PRELID2: variants seen among roughly 807,000 people sequenced by gnomAD.
The protein encoded by PRELID2 is PRELI domain-containing protein 2.
PRELID2 carries 25 observed loss-of-function variants against 28.4 expected under a neutral mutation model. That is an observed-to-expected ratio of 0.88 (90% CI 0.64 to 1.23). The LOEUF (loss-of-function observed/expected upper bound fraction) is 1.23, where lower values mean the gene tolerates loss of function less well. Ranked by LOEUF, PRELID2 falls within the 50% of genes most tolerant of loss-of-function variation. The probability of loss-of-function intolerance (pLI) is 0.00; values close to 1 mark genes in which losing one functional copy is unlikely to be tolerated. For missense variants in PRELID2, 201 were observed against 214.4 expected (o/e 0.94, Z 0.39); for synonymous variants, 76 against 71.6 (o/e 1.06, Z -0.31).
At chr5:145,442,237 A>G in the PRELID2 span, among the ~76,000 whole-genome samples, 1 of 152,120 alleles carries the variant, frequency 6.6e-6, no homozygotes, top group South Asian at 2.1e-4. Context: ...GAAACTGGAA[A>G]TGTGTTGGTT....
chr5:145,804,303 G>GT (rs1753348663), intron 4 of PRELID2, among the ~76,000 whole-genome samples: 1 of 152,070 alleles, frequency 6.6e-6, no homozygotes, highest in African/African-American at 2.4e-5. Flanking sequence ...GAGGTCAGGA[G>GT]TTTGAGACCA....
the PRELID2 span, among the ~76,000 whole-genome samples, chr5:145,378,001 C>T: frequency 2.0e-5 from 3 of 152,204 alleles, no homozygotes; most frequent in South Asian, 4.1e-4. Context: ...AACAAATTCC[C>T]TCTGCATTTG....
intron 4 of PRELID2, among the ~76,000 whole-genome samples, chr5:145,813,355 C>CT (rs1754080557): frequency 6.6e-6 from 1 of 152,144 alleles, no homozygotes; most frequent in Non-Finnish European, 1.5e-5. Flanking sequence ...AAATGCCTTT[C>CT]TAAATCCATG....
intron 1 of PRELID2, among the ~76,000 whole-genome samples, chr5:145,679,607 A>T (rs1422327763): frequency 6.6e-6 from 1 of 152,158 alleles, no homozygotes; most frequent in African/African-American, 2.4e-5. Context: ...CACATATCAG[A>T]TGCTCAGTAA....
chr5:145,650,555 T>C (rs1202010923), intron 1 of PRELID2, among the ~76,000 whole-genome samples: 2 of 129,040 alleles, frequency 1.5e-5, no homozygotes, highest in South Asian at 2.3e-4. Context: ...TATATATATA[T>C]ATATATATAT....
In PRELID2 at chr5:145,712,155, T is replaced by G. The variant is rs558465304; in HGVS notation, n.70+52776A>C. Among the ~76,000 whole-genome samples, 402 of 152,356 alleles carry G rather than the reference T, an allele frequency of 2.6e-3. 4 individuals are homozygous for G. The highest frequency in any genetic ancestry group is 9.0e-3 in the African/African-American group (376 of 41,582). On this transcript the variant is annotated intron_variant and non_coding_transcript_variant, in intron 1 of 2. Transcript: ENST00000510259. Reference sequence around the variant, plus strand: ...CAAGGTACTGGCTTGAAAGAGCTGATTGTCAAATGTTCAGCAATTTTGTGA... The same window carrying G: ...CAAGGTACTGGCTTGAAAGAGCTGAGTGTCAAATGTTCAGCAATTTTGTGA...
At chr5:145,796,571 T>A (rs761424859) in intron 4 of PRELID2, 24 bp from the exon 5 acceptor site, 5 of 1,452,796 alleles carry the variant, frequency 3.4e-6, no homozygotes, top group Non-Finnish European at 3.8e-6. Context: ...AAAAAACACA[T>A]CTTTGATGTC....
chr5:145,748,516 G>A (rs1421476483), intron 1 of PRELID2, among the ~76,000 whole-genome samples: 2 of 152,142 alleles, frequency 1.3e-5, no homozygotes, highest in African/African-American at 4.8e-5. Context: ...TCATGGATAG[G>A]AAGAATCAAT....
chr5:145,293,013 G>A, the PRELID2 span, among the ~76,000 whole-genome samples: 2 of 152,072 alleles, frequency 1.3e-5, no homozygotes, highest in African/African-American at 4.8e-5. Context: ...GAACCACCAT[G>A]ATCATTCTCC....
the PRELID2 span, among the ~76,000 whole-genome samples, chr5:145,273,332 C>T: frequency 2.0e-5 from 3 of 151,986 alleles, no homozygotes; most frequent in Admixed American, 6.6e-5. Flanking sequence ...TCCTGCTTTT[C>T]GGGTCTTAAG....
the PRELID2 span, among the ~76,000 whole-genome samples, chr5:145,426,947 C>A: frequency 6.6e-6 from 1 of 152,304 alleles, no homozygotes; most frequent in East Asian, 1.9e-4. Flanking sequence ...AAGCAGTTTA[C>A]CCACCAATAG....
At chr5:145,349,399 G>A in the PRELID2 span, among the ~76,000 whole-genome samples, 1 of 152,062 alleles carries the variant, frequency 6.6e-6, no homozygotes, top group Non-Finnish European at 1.5e-5. Context: ...CCCATTTGAA[G>A]TAAGCTTCAA....
Position 145,509,672 on chromosome 5 carries a change from G to T in PRELID2, n.71-36357C>A, listed in dbSNP as rs567140370. Among the ~76,000 whole-genome samples the T allele has an allele frequency of 2.0e-5, 3 of 152,262 alleles. No individual in the cohort carries two copies. The East Asian group carries it at 5.8e-4, about 29-fold the overall frequency. On this transcript the variant is annotated intron_variant and non_coding_transcript_variant, in intron 1 of 2. Transcript: ENST00000510259. ...CTACTTTGGTTTTCCCAAGCTCTTA[G>T]GATAGAAACAAACTTTTGCTTTTCT...
chr5:145,606,980 T>A (rs1753514580), intron 1 of PRELID2, among the ~76,000 whole-genome samples: 1 of 152,148 alleles, frequency 6.6e-6, no homozygotes, highest in Admixed American at 6.6e-5. Flanking sequence ...GGAGGTCATA[T>A]GATTCCAGGA....
the PRELID2 span, among the ~76,000 whole-genome samples, chr5:145,322,864 C>T: frequency 1.3e-5 from 2 of 151,960 alleles, no homozygotes; most frequent in African/African-American, 4.8e-5. Context: ...GCCTGTAGTC[C>T]CAGCTACTCG....
In PRELID2 at chr5:145,561,337, C is replaced by T. The variant is rs368564815; in HGVS notation, n.71-88022G>A. 1.0e-3 allele frequency among the ~76,000 whole-genome samples: 155 copies of T among 152,164 alleles called. 3 individuals are homozygous for T. The South Asian group carries it at 0.031, about 31-fold the overall frequency. The stretch of plus-strand genomic sequence containing the variant: ...CTTTTTTTTCTTTTCTGTATTGGTG[C>T]ATGCCATCTTGGTTCAAGTGAGTGC... On this transcript the variant is annotated intron_variant and non_coding_transcript_variant, in intron 1 of 2. Transcript: ENST00000510259.
At chr5:145,325,133 A>G in the PRELID2 span, among the ~76,000 whole-genome samples, 1 of 152,312 alleles carries the variant, frequency 6.6e-6, no homozygotes, top group African/African-American at 2.4e-5. Context: ...TTTTAAAAAC[A>G]TGCACAAATA....
chr5:145,388,950 C>T, the PRELID2 span, among the ~76,000 whole-genome samples: 94,256 of 151,902 alleles, frequency 0.62, 29,535 homozygotes, highest in East Asian at 0.89. Context: ...ATTTATTTTG[C>T]TTTTTTCTAC....
At chr5:145,577,411 G>T (rs1753070036) in intron 1 of PRELID2, among the ~76,000 whole-genome samples, 1 of 151,926 alleles carries the variant, frequency 6.6e-6, no homozygotes, top group Non-Finnish European at 1.5e-5. Context: ...AGAGATTAAA[G>T]TTTAGAAAAT....
Sources: gnomAD v4.1 joint callset for allele counts (sites outside exome capture counted in the v4.1 genomes callset) on GRCh38, gnomAD v4.1.1 for gene constraint, MANE v1.5 for transcripts, NCBI Gene and HGNC (gene_info 2026-07-23, HGNC 2026-07-21) for gene names.